Variants in GPR158 observed in about 807,000 individuals in gnomAD.
The protein encoded by GPR158 is metabotropic glycine receptor.
In GPR158, 30 loss-of-function variants were observed where a neutral mutation model predicts 78.2. The observed-to-expected ratio is 0.38, with a 90% CI of 0.29 to 0.52. The LOEUF (loss-of-function observed/expected upper bound fraction) is 0.52. Among genes scored for constraint, GPR158 ranks in the 20% least tolerant of loss-of-function variants. The pLI is 0.83. For missense variants in GPR158, 1,463 were observed against 1,523.5 expected (o/e 0.96, Z 0.66); for synonymous variants, 581 against 591.1 (o/e 0.98, Z 0.25).
intron 2 of GPR158, among the ~76,000 whole-genome samples, chr10:25,372,391 A>G (rs1834009055): frequency 6.6e-6 from 1 of 150,872 alleles, no homozygotes; most frequent in Admixed American, 6.6e-5. Flanking sequence ...TCATGCTGCT[A>G]TAAAGACACA....
chr10:25,271,294 T>G (rs1854114611), intron 2 of GPR158, among the ~76,000 whole-genome samples: 1 of 152,240 alleles, frequency 6.6e-6, no homozygotes, highest in Non-Finnish European at 1.5e-5. Flanking sequence ...AATTTTTAAT[T>G]ATGTATTTAT....
chr10:25,363,747 C>T (rs540269193), intron 2 of GPR158, among the ~76,000 whole-genome samples: 144 of 152,004 alleles, frequency 9.5e-4, no homozygotes, highest in African/African-American at 3.3e-3. Context: ...AATGCTGTCC[C>T]TGATCCTCAG....
chr10:25,519,858 T>C (rs1588896217), intron 5 of GPR158, among the ~76,000 whole-genome samples: 1 of 79,336 alleles, frequency 1.3e-5, no homozygotes, highest in African/African-American at 7.1e-5. Flanking sequence ...TGTCTTGGAG[T>C]TGCTCCTCTC....
chr10:25,536,378 G>A (rs1453619829), intron 5 of GPR158, among the ~76,000 whole-genome samples: 1 of 151,988 alleles, frequency 6.6e-6, no homozygotes, highest in Non-Finnish European at 1.5e-5. Context: ...ATTTTATTTT[G>A]CTCTAAACCA....
At chr10:25,446,862 T>A (rs1835143540) in intron 4 of GPR158, among the ~76,000 whole-genome samples, 1 of 152,214 alleles carries the variant, frequency 6.6e-6, no homozygotes, top group Non-Finnish European at 1.5e-5. Context: ...TTTGTATCTG[T>A]AGTAATATTT....
chr10:25,246,033 A>C (rs910301903), intron 2 of GPR158, among the ~76,000 whole-genome samples: 1 of 152,236 alleles, frequency 6.6e-6, no homozygotes, highest in African/African-American at 2.4e-5. Context: ...GCACATAGCC[A>C]TGTCACCCCT....
Position 25,572,680 on chromosome 10 carries a change from C to G in GPR158, c.1546C>G (p.Gln516Glu), listed in dbSNP as rs778179918. The G allele has an allele frequency of 6.2e-7, 1 of 1,613,700 alleles. No homozygotes were observed. Among genetic ancestry groups the G allele is most frequent in the South Asian group, 1.1e-5 (1 of 91,068 alleles). The stretch of plus-strand genomic sequence containing the variant: ...GAAGGTGTTTCTTTCACGAACGGCT[C>G]AACGAATTCCATATATGACTGGCGG... Reference protein sequence around the residue: ...VLKVFLSRTAQRIPYMTGGRV... With the variant: ...VLKVFLSRTAERIPYMTGGRV... The change falls in exon 7 of 11, where the codon CAA becomes GAA. Residue 516 changes from glutamine to glutamate, a missense_variant. By Grantham distance (29) the Gln-to-Glu change is conservative. Transcript: ENST00000376351.
chr10:25,414,671 C>T (rs924172693), intron 4 of GPR158, among the ~76,000 whole-genome samples: 1 of 152,054 alleles, frequency 6.6e-6, no homozygotes, highest in East Asian at 1.9e-4. Flanking sequence ...TTAAAGATTT[C>T]CTGTGTCTTT....
intron 2 of GPR158, among the ~76,000 whole-genome samples, chr10:25,375,206 C>T (rs527276982): frequency 1.1e-4 from 17 of 151,436 alleles, no homozygotes; most frequent in African/African-American, 3.6e-4. Flanking sequence ...TGTTTATGTC[C>T]TTTGCGTATA....
chr10:25,361,512 A>T, intron 2 of GPR158, among the ~76,000 whole-genome samples: 1 of 151,920 alleles, frequency 6.6e-6, no homozygotes, highest in Non-Finnish European at 1.5e-5. Flanking sequence ...GAACCTTCTT[A>T]CTGTTTCCCA....
At chr10:25,389,766 G>A (rs557462580) in intron 2 of GPR158, among the ~76,000 whole-genome samples, 1 of 152,120 alleles carries the variant, frequency 6.6e-6, no homozygotes, top group African/African-American at 2.4e-5. Flanking sequence ...AGCCAAGGCT[G>A]TGACATCCTT....
intron 1 of GPR158, among the ~76,000 whole-genome samples, chr10:25,196,380 G>C (rs1771436407): frequency 6.6e-6 from 1 of 151,720 alleles, no homozygotes; most frequent in African/African-American, 2.4e-5. Flanking sequence ...AAATCTCTTT[G>C]AGGATCTTAA....
chr10:25,585,491 C>T (rs542745826), intron 7 of GPR158, among the ~76,000 whole-genome samples: 22 of 152,202 alleles, frequency 1.4e-4, no homozygotes, highest in South Asian at 2.1e-4. Context: ...GTGCTGTATA[C>T]GTAAAAACTA....
chr10:25,314,885 A>ATATG lies in GPR158; in HGVS notation c.1009-81025_1009-81024insATGT, dbSNP rs1329409723. On this transcript the variant is annotated intron_variant, in intron 2 of 10. Coordinates refer to ENST00000376351, the MANE Select transcript of GPR158 (RefSeq NM_020752.3). ...GTCATATATATATATATATATATAT[A>ATATG]TGACTAATGAGTTTACACATACACA... is the stretch of plus-strand genomic sequence containing the variant. 4.2e-3 allele frequency among the ~76,000 whole-genome samples: 496 copies of ATATG among 117,972 alleles called. 1 individual carries two copies. The highest frequency in any genetic ancestry group is 8.1e-3 in the Middle Eastern group (2 of 248). The allele number at this position is 117,972 out of a possible 152,430, so 77.4% of individuals were successfully genotyped here.
chr10:25,464,337 C>G (rs1009643466), intron 4 of GPR158, among the ~76,000 whole-genome samples: 10 of 152,084 alleles, frequency 6.6e-5, no homozygotes, highest in Admixed American at 5.2e-4. Flanking sequence ...TGACCACAGC[C>G]CTGGGAAGGT....
intron 2 of GPR158, among the ~76,000 whole-genome samples, chr10:25,389,881 A>G (rs1834270502): frequency 6.6e-6 from 1 of 152,246 alleles, no homozygotes; most frequent in East Asian, 1.9e-4. Context: ...CCCAAGTCTC[A>G]TCTTGAGCTT....
In GPR158 at chr10:25,396,033, A is replaced by C. The variant is rs372485855; in HGVS notation, c.1111+20A>C. 1 of 950,220 alleles carries C rather than the reference A, an allele frequency of 1.1e-6. No individual in the cohort carries two copies. 58.9% of individuals were successfully genotyped at this position (950,220 alleles called of 1,614,324 possible). On this transcript the variant is annotated intron_variant, in intron 3 of 10. Coordinates refer to ENST00000376351, the MANE Select transcript of GPR158 (RefSeq NM_020752.3). ...TTCGGAGTAAGTGCCCTTTGTTTCT[A>C]TGTATATATATGTATATACATCATA...
At chr10:25,366,679 G>T (rs1198179787) in intron 2 of GPR158, among the ~76,000 whole-genome samples, 1 of 151,580 alleles carries the variant, frequency 6.6e-6, no homozygotes, top group African/African-American at 2.4e-5. Context: ...TATTCCTCCT[G>T]TCTAGCTGAA....
At chr10:25,234,622 T>C (rs1853497493) in intron 2 of GPR158, among the ~76,000 whole-genome samples, 1 of 152,214 alleles carries the variant, frequency 6.6e-6, no homozygotes, top group Admixed American at 6.5e-5. Flanking sequence ...ATCATTTACA[T>C]GCCAAGGTAT....
Sources: allele counts gnomAD v4.1 joint callset (sites outside exome capture counted in the v4.1 genomes callset), GRCh38; gene constraint gnomAD v4.1.1; transcripts MANE v1.5; gene names NCBI Gene and HGNC (gene_info 2026-07-23, HGNC 2026-07-21).